C4orf36: variants seen among roughly 807,000 people sequenced by gnomAD.
The protein encoded by C4orf36 is chromosome 4 open reading frame 36.
In C4orf36, 11 loss-of-function variants were observed where a neutral mutation model predicts 12.2. That is an observed-to-expected ratio of 0.90 (90% CI 0.57 to 1.49). The LOEUF is 1.49. Ranked by LOEUF, C4orf36 falls within the 40% of genes most tolerant of loss-of-function variation. The probability of loss-of-function intolerance (pLI) is 0.00; values close to 1 mark genes in which losing one functional copy is unlikely to be tolerated. For synonymous variants in C4orf36, 54 were observed against 51.3 expected (o/e 1.05, Z -0.22); for missense variants, 137 against 133.9 (o/e 1.02, Z -0.11).
At chr4:86,880,061 T>A (rs1222479069) in intron 4 of C4orf36, among the ~76,000 whole-genome samples, 1 of 152,142 alleles carries the variant, frequency 6.6e-6, no homozygotes, top group African/African-American at 2.4e-5. Context: ...ACCGTATTGC[T>A]CAAGCTGTTC....
the C4orf36 span, among the ~76,000 whole-genome samples, chr4:86,919,080 G>A: frequency 6.6e-6 from 1 of 151,326 alleles, no homozygotes; most frequent in Non-Finnish European, 1.5e-5. Context: ...CTGGAATTCT[G>A]ATGTCCAAGG....
At chr4:86,904,338 G>GC in the C4orf36 span, among the ~76,000 whole-genome samples, 1 of 152,226 alleles carries the variant, frequency 6.6e-6, no homozygotes, top group Admixed American at 6.5e-5. Flanking sequence ...GCCTCGGCCA[G>GC]CCCCAGAGAG....
intron 1 of C4orf36, among the ~76,000 whole-genome samples, 160 bp from the exon 2 acceptor site, chr4:86,891,753 C>A (rs999239093): frequency 6.6e-6 from 1 of 152,132 alleles, no homozygotes; most frequent in African/African-American, 2.4e-5. Context: ...TCCATGAACT[C>A]ATTTTTTCAT....
intron 4 of C4orf36, among the ~76,000 whole-genome samples, chr4:86,882,547 TTGA>T (rs1178018784): frequency 6.6e-6 from 1 of 152,186 alleles, no homozygotes; most frequent in East Asian, 1.9e-4. Flanking sequence ...CCTCCTGACC[TTGA>T]TTTACATCCC....
intron 4 of C4orf36, among the ~76,000 whole-genome samples, chr4:86,883,522 G>T (rs1747096428): frequency 6.6e-6 from 1 of 152,122 alleles, no homozygotes; most frequent in Non-Finnish European, 1.5e-5. Flanking sequence ...CTCATTGTGT[G>T]CCTGGCAGTT....
At chr4:86,894,710 G>A (rs960197200), upstream of C4orf36, among the ~76,000 whole-genome samples, 1 of 152,138 alleles carries the variant, frequency 6.6e-6, no homozygotes, top group Non-Finnish European at 1.5e-5. Flanking sequence ...TCTGAGATAA[G>A]GTCATAAAAG....
At chr4:86,934,109 C>G in the C4orf36 span, among the ~76,000 whole-genome samples, 44 of 152,280 alleles carry the variant, frequency 2.9e-4, no homozygotes, top group African/African-American at 9.9e-4. Context: ...ATTTACATTA[C>G]ACATCATATT....
the C4orf36 span, among the ~76,000 whole-genome samples, chr4:86,903,235 G>A: frequency 1.3e-5 from 2 of 152,190 alleles, no homozygotes; most frequent in African/African-American, 2.4e-5. Flanking sequence ...GGCCAGGCCC[G>A]GTGGCTTGGC....
chr4:86,902,458 A>G, the C4orf36 span, among the ~76,000 whole-genome samples: 44 of 151,838 alleles, frequency 2.9e-4, no homozygotes, highest in African/African-American at 1.0e-3. Context: ...AAAGAAAGAA[A>G]AAAAAGGGAA....
chr4:86,889,174 A>G (rs113157176), intron 2 of C4orf36, among the ~76,000 whole-genome samples: 67 of 152,074 alleles, frequency 4.4e-4, no homozygotes, highest in African/African-American at 1.5e-3. Flanking sequence ...ACATGGTGAA[A>G]TCCCGTCTCT....
intron 4 of C4orf36, among the ~76,000 whole-genome samples, chr4:86,877,019 G>T (rs1188115058): frequency 1.3e-5 from 2 of 152,164 alleles, no homozygotes; most frequent in Non-Finnish European, 2.9e-5. Flanking sequence ...TATTATCCCT[G>T]AGACTAGATG....
At chr4:86,932,842 A>G in the C4orf36 span, among the ~76,000 whole-genome samples, 1 of 152,016 alleles carries the variant, frequency 6.6e-6, no homozygotes, top group African/African-American at 2.4e-5. Flanking sequence ...TTAGAAACAT[A>G]ATCTGAAATG....
chr4:86,912,166 C>A, the C4orf36 span, among the ~76,000 whole-genome samples: 2 of 152,044 alleles, frequency 1.3e-5, no homozygotes, highest in Admixed American at 1.3e-4. Context: ...TGAGCCACTG[C>A]ACTCAGCCAT....
Position 86,876,300 on chromosome 4 carries a change from G to T in C4orf36, c.*146C>A. ...GATTTTCTCGGTCTCTGGGCGGGCC[G>T]TGGGAGGCTTCCTGAGGTGGGGGCC... On this transcript the variant is annotated 3_prime_UTR_variant, in exon 5 of 5. Transcript: ENST00000295898. The T allele has an allele frequency of 7.7e-7, 1 of 1,301,582 alleles. No homozygotes were observed. The highest frequency in any genetic ancestry group is 1.0e-6 in the Non-Finnish European group (1 of 966,020). 80.6% of individuals were successfully genotyped at this position (1,301,582 alleles called of 1,614,324 possible). A position where few individuals can be genotyped will look rare whatever the true frequency, so the allele number is the denominator to read the frequency against.
At chr4:86,920,273 A>G in the C4orf36 span, among the ~76,000 whole-genome samples, 1 of 152,146 alleles carries the variant, frequency 6.6e-6, no homozygotes, top group Admixed American at 6.5e-5. Context: ...TAAGTAATCT[A>G]TAATTAGTCT....
chr4:86,891,442 A>ACACATTAT lies in C4orf36; in HGVS notation c.65+13_65+14insATAATGTG. 6.2e-7 allele frequency: 1 copy of ACACATTAT among 1,613,034 alleles called. No homozygotes were observed. Among genetic ancestry groups the ACACATTAT allele is most frequent in the South Asian group, 1.1e-5 (1 of 90,886 alleles). ...AATGCTTACCCTGATTTAAAAAAAA[A>ACACATTAT]AAATAGTACTTACACATTATAACAA... On this transcript the variant is annotated intron_variant, in intron 2 of 4. Coordinates refer to ENST00000295898, the MANE Select transcript of C4orf36 (RefSeq NM_144645.4).
At chr4:86,897,284 C>T (rs1049732016), upstream of C4orf36, among the ~76,000 whole-genome samples, 2 of 152,076 alleles carry the variant, frequency 1.3e-5, no homozygotes, top group Non-Finnish European at 1.5e-5. Context: ...TTGCTTGAGC[C>T]TGGGAGGTGG....
the C4orf36 span, among the ~76,000 whole-genome samples, chr4:86,909,938 C>T: frequency 2.2e-5 from 3 of 135,386 alleles, no homozygotes; most frequent in African/African-American, 8.0e-5. Flanking sequence ...TTAAAAATAG[C>T]GGAACTTCTA....
chr4:86,882,428 T>C (rs2149420132), intron 4 of C4orf36, among the ~76,000 whole-genome samples: 1 of 152,296 alleles, frequency 6.6e-6, no homozygotes, highest in South Asian at 2.1e-4. Context: ...AAAATTATTA[T>C]GGTGTCAAGG....
Sources: allele counts gnomAD v4.1 joint callset (sites outside exome capture counted in the v4.1 genomes callset), GRCh38; gene constraint gnomAD v4.1.1; transcripts MANE v1.5; gene names NCBI Gene and HGNC (gene_info 2026-07-23, HGNC 2026-07-21).